The following WDFY2 variants were observed in gnomAD, a reference collection of about 807,000 sequenced individuals.
The protein encoded by WDFY2 is WD repeat and FYVE domain containing 2.
A neutral mutation model predicts 56.4 loss-of-function variants in WDFY2; 36 were observed. The ratio of observed to expected loss-of-function variants is 0.64; its 90% CI spans 0.49 to 0.84. The LOEUF (loss-of-function observed/expected upper bound fraction) is 0.84, where lower values mean the gene tolerates loss of function less well. WDFY2 is among the 40% of genes least tolerant of loss of function. The pLI, the probability that WDFY2 is intolerant of heterozygous loss-of-function variation, is 0.00. For synonymous variants in WDFY2, 176 were observed against 183.7 expected, an observed-to-expected ratio of 0.96 and a Z score of 0.34; for missense variants, 444 against 512.2, an observed-to-expected ratio of 0.87 and a Z score of 1.29.
intron 1 of WDFY2, among the ~76,000 whole-genome samples, chr13:51,634,982 A>G (rs1159823831): frequency 1.3e-5 from 2 of 152,142 alleles, no homozygotes; most frequent in Non-Finnish European, 2.9e-5. Flanking sequence ...TCTGTTGCCC[A>G]GGCTGGAGTG....
chr13:51,621,455 A>G (rs921073431), intron 1 of WDFY2, among the ~76,000 whole-genome samples: 4 of 152,236 alleles, frequency 2.6e-5, no homozygotes, highest in Non-Finnish European at 4.4e-5. Context: ...CAGTGAGCCA[A>G]GATCGCGCCA....
chr13:51,715,295 A>G (rs1412519890), intron 4 of WDFY2, among the ~76,000 whole-genome samples: 1 of 152,334 alleles, frequency 6.6e-6, no homozygotes, highest in African/African-American at 2.4e-5. Flanking sequence ...TTAAAACACA[A>G]ACACAACTGT....
intron 3 of WDFY2, among the ~76,000 whole-genome samples, chr13:51,688,632 CA>C (rs1205337100): frequency 6.6e-6 from 1 of 152,128 alleles, no homozygotes; most frequent in African/African-American, 2.4e-5. Context: ...TAAAACTCCA[CA>C]AAATCCAAAA....
At chr13:51,742,446 A>C (rs922404241) in intron 7 of WDFY2, among the ~76,000 whole-genome samples, 2 of 152,162 alleles carry the variant, frequency 1.3e-5, no homozygotes, top group Admixed American at 6.5e-5. Context: ...GGCAAAAAAA[A>C]AAAGGTTCCA....
At chr13:51,754,334 C>T (rs190157375) in intron 8 of WDFY2, among the ~76,000 whole-genome samples, 9 of 152,242 alleles carry the variant, frequency 5.9e-5, no homozygotes, top group Admixed American at 2.0e-4. Flanking sequence ...TTATATGTGT[C>T]CCGTCACAGA....
At chr13:51,691,809 T>C (rs997652593) in intron 3 of WDFY2, among the ~76,000 whole-genome samples, 6 of 152,088 alleles carry the variant, frequency 3.9e-5, no homozygotes, top group Non-Finnish European at 8.8e-5. Flanking sequence ...TATCACGATA[T>C]TGATTCTTCC....
intron 1 of WDFY2, among the ~76,000 whole-genome samples, chr13:51,604,054 A>G (rs540340333): frequency 1.3e-5 from 2 of 152,342 alleles, no homozygotes; most frequent in South Asian, 2.1e-4. Context: ...GGATTTTTCC[A>G]GAAGTGCTAG....
chr13:51,685,282 G>A (rs916838111), intron 3 of WDFY2, among the ~76,000 whole-genome samples: 5 of 152,132 alleles, frequency 3.3e-5, no homozygotes, highest in Non-Finnish European at 7.3e-5. Context: ...TAGATTACAT[G>A]TGCATTTCAT....
At chr13:51,607,380 C>T (rs1227734928) in intron 1 of WDFY2, among the ~76,000 whole-genome samples, 1 of 152,148 alleles carries the variant, frequency 6.6e-6, no homozygotes, top group Non-Finnish European at 1.5e-5. Context: ...CTCTTCAGAT[C>T]GTGTTTGCTA....
chr13:51,755,395 GTGA>G lies in WDFY2; in HGVS notation c.871_873del (p.Asp291del). 1 of 1,614,214 alleles carries G rather than the reference GTGA, an allele frequency of 6.2e-7. No individual in the cohort carries two copies. The highest frequency in any genetic ancestry group is 8.5e-7 in the Non-Finnish European group (1 of 1,180,038). ...TTGGACAGTGATTCCTGCCAAAAGT[GTGA>G]TCAGCCTTTCTTCTGGAACTTCAAG... On this transcript the variant is annotated inframe_deletion, in exon 9 of 12. Coordinates refer to ENST00000298125, the MANE Select transcript of WDFY2 (RefSeq NM_052950.4).
At chr13:51,747,616 C>T (rs574984429) in intron 7 of WDFY2, among the ~76,000 whole-genome samples, 13 of 152,368 alleles carry the variant, frequency 8.5e-5, no homozygotes, top group Non-Finnish European at 1.9e-4. Flanking sequence ...ACTGCAGCCT[C>T]AGCCTTTCAG....
intron 1 of WDFY2, among the ~76,000 whole-genome samples, chr13:51,650,005 G>T (rs1207546996): frequency 6.6e-6 from 1 of 151,850 alleles, no homozygotes; most frequent in Non-Finnish European, 1.5e-5. Flanking sequence ...AAATTACCTT[G>T]GGCAGTGTGG....
chr13:51,662,493 A>T (rs1472861008), intron 2 of WDFY2, among the ~76,000 whole-genome samples: 1 of 152,182 alleles, frequency 6.6e-6, no homozygotes, highest in Non-Finnish European at 1.5e-5. Flanking sequence ...TTGAGATAAG[A>T]TGAGCGTTAA....
At chr13:51,605,004 G>T (rs1463330857) in intron 1 of WDFY2, among the ~76,000 whole-genome samples, 1 of 152,220 alleles carries the variant, frequency 6.6e-6, no homozygotes, top group African/African-American at 2.4e-5. Context: ...TTTCCTAGAT[G>T]ATAAGTGGGG....
At chr13:51,751,025 G>T (rs1158644574) in intron 7 of WDFY2, among the ~76,000 whole-genome samples, 1 of 152,164 alleles carries the variant, frequency 6.6e-6, no homozygotes, top group Non-Finnish European at 1.5e-5. Context: ...CCAGTAAGAA[G>T]TTACAGCCCA....
At chr13:51,624,964 G>C (rs1954813018) in intron 1 of WDFY2, among the ~76,000 whole-genome samples, 1 of 152,234 alleles carries the variant, frequency 6.6e-6, no homozygotes, top group Non-Finnish European at 1.5e-5. Flanking sequence ...GTAGGCCACG[G>C]TGAAGATTTA....
intron 3 of WDFY2, among the ~76,000 whole-genome samples, chr13:51,695,724 A>C (rs1451256085): frequency 2.0e-5 from 3 of 152,254 alleles, no homozygotes. Context: ...GCTGTCAGAC[A>C]GGGACATTTA....
At chr13:51,662,140 T>C (rs1955626775) in intron 2 of WDFY2, among the ~76,000 whole-genome samples, 1 of 151,992 alleles carries the variant, frequency 6.6e-6, no homozygotes, top group African/African-American at 2.4e-5. Flanking sequence ...CCAGCTAATT[T>C]TTGTATTTTT....
chr13:51,659,053 A>C (rs1421375931), intron 1 of WDFY2, among the ~76,000 whole-genome samples: 1 of 151,892 alleles, frequency 6.6e-6, no homozygotes, highest in African/African-American at 2.4e-5. Flanking sequence ...TAACCTCCTG[A>C]GTAGCTGGGA....
Sources: allele counts gnomAD v4.1 joint callset (sites outside exome capture counted in the v4.1 genomes callset), GRCh38; gene constraint gnomAD v4.1.1; transcripts MANE v1.5; gene names NCBI Gene and HGNC (gene_info 2026-07-23, HGNC 2026-07-21).